The following TMEM132B variants were observed in gnomAD, a reference collection of about 807,000 sequenced individuals.
TMEM132B encodes the protein transmembrane protein 132B.
A neutral mutation model predicts 90.8 loss-of-function variants in TMEM132B; 18 were observed. The observed-to-expected ratio is 0.20, with a 90% CI of 0.14 to 0.29. The LOEUF (loss-of-function observed/expected upper bound fraction) is 0.29. TMEM132B is among the 10% of genes least tolerant of loss of function. The probability of loss-of-function intolerance (pLI) is 1.00; values close to 1 mark genes in which losing one functional copy is unlikely to be tolerated. For synonymous variants in TMEM132B, 504 were observed against 523.3 expected (o/e 0.96, Z 0.50); for missense variants, 1,096 against 1,326.8 (o/e 0.83, Z 2.70).
At chr12:125,294,443 G>A (rs2136150991) in intron 1 of TMEM132B, among the ~76,000 whole-genome samples, 1 of 152,322 alleles carries the variant, frequency 6.6e-6, no homozygotes. Flanking sequence ...TAAACATTAT[G>A]CATGGAGATG....
intron 4 of TMEM132B, among the ~76,000 whole-genome samples, chr12:125,560,879 C>T (rs571200069): frequency 7.8e-6 from 1 of 128,176 alleles, no homozygotes; most frequent in South Asian, 2.6e-4. Flanking sequence ...ACAACAGATG[C>T]TGGAGAGGAT....
At chr12:125,499,395 T>C (rs1349101185) in intron 3 of TMEM132B, among the ~76,000 whole-genome samples, 6 of 152,176 alleles carry the variant, frequency 3.9e-5, no homozygotes, top group Admixed American at 3.9e-4. Flanking sequence ...AAATACAAAA[T>C]TGCATGCAGG....
intron 4 of TMEM132B, among the ~76,000 whole-genome samples, chr12:125,534,533 A>C (rs1883746006): frequency 6.6e-6 from 1 of 152,174 alleles, no homozygotes; most frequent in South Asian, 2.1e-4. Flanking sequence ...TCCACCCCAC[A>C]ACCAAAACCA....
intron 3 of TMEM132B, among the ~76,000 whole-genome samples, chr12:125,505,529 T>C (rs757058665): frequency 6.6e-6 from 1 of 151,864 alleles, no homozygotes; most frequent in Non-Finnish European, 1.5e-5. Flanking sequence ...TGAAATCCCG[T>C]CTCTACTAAA....
chr12:125,272,448 T>G (rs1874864891), intron 1 of TMEM132B, among the ~76,000 whole-genome samples: 1 of 152,170 alleles, frequency 6.6e-6, no homozygotes, highest in Non-Finnish European at 1.5e-5. Context: ...GTCCAGCGAT[T>G]GGCAAGAGGC....
At chr12:125,595,799 C>T (rs79317304) in intron 5 of TMEM132B, among the ~76,000 whole-genome samples, 10,577 of 151,712 alleles carry the variant, frequency 0.07, 418 homozygotes, top group East Asian at 0.13. Flanking sequence ...TAGACCACTG[C>T]ATTAAAGAGA....
intron 4 of TMEM132B, among the ~76,000 whole-genome samples, chr12:125,575,828 C>T (rs2079304): frequency 0.57 from 86,190 of 151,488 alleles, 26,239 homozygotes; most frequent in Middle Eastern, 0.78. Flanking sequence ...ATTCTTTCAC[C>T]ATTGAATTAT....
At chr12:125,383,977 C>T (rs1189479911) in intron 2 of TMEM132B, among the ~76,000 whole-genome samples, 1 of 152,126 alleles carries the variant, frequency 6.6e-6, no homozygotes, top group Non-Finnish European at 1.5e-5. Context: ...GATGGAGTCT[C>T]ACTCCATCAC....
At position 125,443,723 on chromosome 12, in the gene TMEM132B, A is replaced by G. The variant is rs546342484; in HGVS notation, c.1106+28046A>G. Among the ~76,000 whole-genome samples, 15 of 151,178 alleles carry G rather than the reference A, an allele frequency of 9.9e-5. No homozygotes were observed. In the South Asian group the frequency reaches 2.5e-3, roughly 25 times the overall value. ...AAGCAGATTTATAGCTATGGTAGTTACATTTTTTTCAGTGTCAACAGATGC... is the reference window on the plus strand; with the variant it reads ...AAGCAGATTTATAGCTATGGTAGTTGCATTTTTTTCAGTGTCAACAGATGC... On this transcript the variant is annotated intron_variant, in intron 3 of 8. Transcript: ENST00000682704.
At chr12:125,280,542 C>G (rs12367522) in intron 1 of TMEM132B, among the ~76,000 whole-genome samples, 23,980 of 152,164 alleles carry the variant, frequency 0.16, 2,400 homozygotes, top group African/African-American at 0.28. Context: ...GCCATGGGCT[C>G]TGCTCCCTGC....
At chr12:125,223,945 T>C (rs1284091088) in intron 1 of TMEM132B, among the ~76,000 whole-genome samples, 2 of 152,114 alleles carry the variant, frequency 1.3e-5, no homozygotes, top group South Asian at 4.2e-4. Flanking sequence ...CATAGCTAAT[T>C]TTTGTATTTT....
intron 2 of TMEM132B, among the ~76,000 whole-genome samples, chr12:125,360,841 C>T (rs144290447): frequency 6.6e-6 from 1 of 151,728 alleles, no homozygotes; most frequent in East Asian, 1.9e-4. Flanking sequence ...TCTCGAGAGG[C>T]AAGTTTTCTG....
chr12:125,341,635 G>A (rs540584061), intron 1 of TMEM132B, among the ~76,000 whole-genome samples: 2 of 152,234 alleles, frequency 1.3e-5, no homozygotes, highest in Admixed American at 1.3e-4. Flanking sequence ...TATACACAAA[G>A]CACCTACTGT....
At chr12:125,561,036 G>A (rs928937844) in intron 4 of TMEM132B, among the ~76,000 whole-genome samples, 4 of 151,906 alleles carry the variant, frequency 2.6e-5, no homozygotes, top group African/African-American at 9.7e-5. Context: ...ATACCCAAAG[G>A]ATTATAAATC....
chr12:125,420,292 T>C (rs1490425759), intron 3 of TMEM132B, among the ~76,000 whole-genome samples: 1 of 152,240 alleles, frequency 6.6e-6, no homozygotes, highest in Non-Finnish European at 1.5e-5. Context: ...CACCTCTGCC[T>C]GGGCATCCAG....
intron 1 of TMEM132B, among the ~76,000 whole-genome samples, chr12:125,201,586 C>G (rs1873061845): frequency 6.6e-6 from 1 of 152,218 alleles, no homozygotes; most frequent in African/African-American, 2.4e-5. Context: ...AAATTAAGGG[C>G]ATGAACTTAG....
chr12:125,267,329 G>C (rs7305230), intron 1 of TMEM132B, among the ~76,000 whole-genome samples: 1 of 152,006 alleles, frequency 6.6e-6, no homozygotes, highest in African/African-American at 2.4e-5. Context: ...GCAGGGCCGC[G>C]AATTTCCTTT....
chr12:125,194,487 G>T (rs536273225), intron 1 of TMEM132B, among the ~76,000 whole-genome samples: 1 of 152,270 alleles, frequency 6.6e-6, no homozygotes, highest in Non-Finnish European at 1.5e-5. Flanking sequence ...AAGGGGTCTT[G>T]GCTTTGTTTT....
Position 125,406,035 on chromosome 12 carries a change from A to G in TMEM132B, c.960-9496A>G. On this transcript the variant is annotated intron_variant, in intron 2 of 8. Transcript: ENST00000682704. This position sits in a 1 kb window ranked among gnomAD's most constrained non-coding sequence, Gnocchi z 8.3. ...AGCTTTCCTTGCTTTTTTTTGGAATATTTATTAGTTCAGTTTCCTGAACTA... is the reference window on the plus strand; with the variant it reads ...AGCTTTCCTTGCTTTTTTTTGGAATGTTTATTAGTTCAGTTTCCTGAACTA... 6.6e-6 allele frequency among the ~76,000 whole-genome samples: 1 copy of G among 152,122 alleles called. No homozygotes were observed. The highest frequency in any genetic ancestry group is 1.5e-5 in the Non-Finnish European group (1 of 68,008).
Sources: gnomAD v4.1 joint callset for allele counts (sites outside exome capture counted in the v4.1 genomes callset) on GRCh38, gnomAD v4.1.1 for gene constraint, Gnocchi (gnomAD v3.1) non-coding constraint, MANE v1.5 for transcripts, NCBI Gene and HGNC (gene_info 2026-07-23, HGNC 2026-07-21) for gene names.